The following MMP17 variants were observed in gnomAD, a reference collection of about 807,000 sequenced individuals.
MMP17 encodes matrix metalloproteinase-17.
In MMP17, 54 loss-of-function variants were observed where a neutral mutation model predicts 49.1. The observed-to-expected ratio is 1.10, with a 90% CI of 0.88 to 1.38. The LOEUF (loss-of-function observed/expected upper bound fraction) is 1.38, where lower values mean the gene tolerates loss of function less well. Among genes scored for constraint, MMP17 ranks in the 40% most tolerant of loss-of-function variants. The pLI is 0.00. For synonymous variants in MMP17, 397 were observed against 383.1 expected, an observed-to-expected ratio of 1.04 and a Z score of -0.42; for missense variants, 837 against 853.7, an observed-to-expected ratio of 0.98 and a Z score of 0.24.
intron 2 of MMP17, 42 bp from the exon 3 acceptor site, chr12:131,838,570 A>G: frequency 6.3e-7 from 1 of 1,577,004 alleles, no homozygotes; most frequent in Non-Finnish European, 8.6e-7. Flanking sequence ...TAGGGTGGGG[A>G]GTGAGCTGGG....
In MMP17 at chr12:131,851,678, G is replaced by T; in HGVS notation, c.*404G>T. 1 of 186,632 alleles carries T rather than the reference G, an allele frequency of 5.4e-6. No homozygotes were observed. Among genetic ancestry groups the T allele is most frequent in the Non-Finnish European group, 1.1e-5 (1 of 91,078 alleles). The allele number at this position is 186,632 out of a possible 1,614,324, so 11.6% of individuals were successfully genotyped here. ...GGGCCTCCGTCCCCAGGTCCCCAGT[G>T]GGGCAGCCCTCCCCACAGACGAGCC... On this transcript the variant is annotated 3_prime_UTR_variant, in exon 10 of 10. Coordinates refer to ENST00000360564, the MANE Select transcript of MMP17 (RefSeq NM_016155.7).
intron 6 of MMP17, 80 bp downstream of exon 6, chr12:131,844,161 C>T (rs943725208): frequency 3.2e-6 from 4 of 1,258,894 alleles, no homozygotes; most frequent in Non-Finnish European, 4.4e-6. Flanking sequence ...TGCCCCAAAT[C>T]GTGGCTCAGA....
In MMP17 at chr12:131,844,062, G is replaced by A. The variant is rs1887567451; in HGVS notation, c.949G>A (p.Asp317Asn). The change falls in exon 6 of 10, where the codon GAC becomes AAC. Residue 317 changes from aspartate to asparagine, a missense_variant. Physicochemically the swap from Asp to Asn is conservative, Grantham distance 23. Coordinates refer to ENST00000360564, the MANE Select transcript of MMP17 (RefSeq NM_016155.7). The part of the protein sequence containing the change: ...EEPPLLPEPP[D>N]NRSSAPPRKD... ...GCCTCCCCTGCTGCCGGAGCCCCCA[G>A]ACAACCGGTCCAGCGCCCCGTAAGC... 4.5e-6 allele frequency: 7 copies of A among 1,565,532 alleles called. No individual in the cohort carries two copies. The East Asian group carries it at 7.1e-5, about 16-fold the overall frequency.
intron 8 of MMP17, among the ~76,000 whole-genome samples, chr12:131,847,634 C>T (rs1887778999): frequency 6.6e-6 from 1 of 152,224 alleles, no homozygotes; most frequent in African/African-American, 2.4e-5. Context: ...CCAGGTGGAC[C>T]CGTCTGGCAT....
intron 8 of MMP17, among the ~76,000 whole-genome samples, chr12:131,848,959 T>C (rs1000855605): frequency 1.3e-5 from 2 of 152,242 alleles, no homozygotes; most frequent in East Asian, 3.8e-4. Context: ...GTGGTAATTC[T>C]ATTTTTGACG....
chr12:131,845,484 C>G lies in MMP17; in HGVS notation c.1204+35C>G, dbSNP rs79420934. The G allele has an allele frequency of 1.9e-5, 29 of 1,531,356 alleles. No individual in the cohort carries two copies. In the East Asian group the frequency reaches 6.6e-4, roughly 35 times the overall value. 94.9% of individuals were successfully genotyped at this position (1,531,356 alleles called of 1,614,324 possible). On this transcript the variant is annotated intron_variant, in intron 8 of 9. Transcript: ENST00000360564. ...CCTCCCCGTCGCACTCCGGGCTTCC[C>G]GGGCCCTCTGTCCGCCTCATGGAGG... is the stretch of plus-strand genomic sequence containing the variant.
intron 8 of MMP17, among the ~76,000 whole-genome samples, chr12:131,848,420 G>A (rs777760201): frequency 2.7e-4 from 41 of 152,130 alleles, no homozygotes; most frequent in Non-Finnish European, 4.0e-4. Context: ...TGGGCGTGGT[G>A]AGCACACTTT....
intron 3 of MMP17, among the ~76,000 whole-genome samples, chr12:131,839,261 C>T (rs1017935728): frequency 6.6e-6 from 1 of 152,148 alleles, no homozygotes; most frequent in Non-Finnish European, 1.5e-5. Context: ...TAGGGCCCAC[C>T]CTGATCCAGT....
intron 1 of MMP17, among the ~76,000 whole-genome samples, chr12:131,833,637 C>T (rs1334829740): frequency 1.3e-5 from 2 of 152,248 alleles, no homozygotes; most frequent in Non-Finnish European, 2.9e-5. Flanking sequence ...GACAGGTTAT[C>T]CACACTCTCT....
In MMP17 at chr12:131,838,548, T is replaced by G. The variant is rs777958184; in HGVS notation, c.293-64T>G. 245 of 1,545,944 alleles carry G rather than the reference T, an allele frequency of 1.6e-4. 1 individual carries two copies. Among genetic ancestry groups the G allele is most frequent in the Middle Eastern group, 1.2e-3 (5 of 4,178 alleles). ...GAGTCAGGGCTCCCACCCTTGCGGA[T>G]GCTCGGGATCCTAGGGTGGGGAGTG... On this transcript the variant is annotated intron_variant, in intron 2 of 9. Coordinates refer to ENST00000360564, the MANE Select transcript of MMP17 (RefSeq NM_016155.7).
intron 9 of MMP17, 101 bp from the exon 10 acceptor site, chr12:131,850,824 G>T: frequency 1.1e-6 from 1 of 891,124 alleles, no homozygotes; most frequent in Non-Finnish European, 1.6e-6. Context: ...AGCCCCTTCC[G>T]CTGCAGCCCT....
chr12:131,842,745 C>G (rs368723625), intron 5 of MMP17, among the ~76,000 whole-genome samples: 1 of 151,744 alleles, frequency 6.6e-6, no homozygotes, highest in Admixed American at 6.6e-5. Flanking sequence ...TGCACTCCAG[C>G]CTGGGTGGCA....
Position 131,846,281 on chromosome 12 carries a change from T to C in MMP17, c.1204+832T>C, listed in dbSNP as rs1374953771. Among the ~76,000 whole-genome samples the C allele has an allele frequency of 6.6e-6, 1 of 152,156 alleles. No individual in the cohort carries two copies. The highest frequency in any genetic ancestry group is 1.5e-5 in the Non-Finnish European group (1 of 68,026). On this transcript the variant is annotated intron_variant, in intron 8 of 9. Coordinates refer to ENST00000360564, the MANE Select transcript of MMP17 (RefSeq NM_016155.7). The surrounding 1 kb of genome is among the most constrained non-coding windows in gnomAD (Gnocchi z 4.6). ...CACATCCCTCCTGCCACCGCCTCTG[T>C]CTCCACCCGGCCGTCTCCTCCCCCA...
chr12:131,836,546 C>T lies in MMP17; in HGVS notation c.160-1649C>T, dbSNP rs1293721792. On this transcript the variant is annotated intron_variant, in intron 1 of 9. Transcript: ENST00000360564. ...ATTTATGCATTTTTTTAGGTTAAGCCACATGAAACTACTAGTATTTATTTT... is the reference window on the plus strand; with the variant it reads ...ATTTATGCATTTTTTTAGGTTAAGCTACATGAAACTACTAGTATTTATTTT... Among the ~76,000 whole-genome samples, 4 of 150,964 alleles carry T rather than the reference C, an allele frequency of 2.6e-5. No individual in the cohort carries two copies. In the East Asian group the frequency reaches 7.8e-4, roughly 29 times the overall value.
rs1887697009 is a variant in MMP17, at chr12:131,846,233, CCA to C, written c.1204+787_1204+788del. On this transcript the variant is annotated intron_variant, in intron 8 of 9. Coordinates refer to ENST00000360564, the MANE Select transcript of MMP17 (RefSeq NM_016155.7). The surrounding 1 kb of genome is among the most constrained non-coding windows in gnomAD (Gnocchi z 4.6). Reference sequence around the variant, plus strand: ...CTCTGGAGGCTGTCCCAGGCCTCTCCCACATCCAGTGTCACCCTCAGCCACAT... The same window carrying C: ...CTCTGGAGGCTGTCCCAGGCCTCTCCCATCCAGTGTCACCCTCAGCCACAT... Among the ~76,000 whole-genome samples the C allele has an allele frequency of 6.6e-6, 1 of 152,170 alleles. No homozygotes were observed. The highest frequency in any genetic ancestry group is 6.6e-5 in the Admixed American group (1 of 15,262).
chr12:131,851,305 G>A lies in MMP17; in HGVS notation c.*31G>A. ...AGCGCGAGCCCATGAGAGGACAGAGGCGGTGGGACAGCCTGGCCACAGAGG... is the reference window on the plus strand; with the variant it reads ...AGCGCGAGCCCATGAGAGGACAGAGACGGTGGGACAGCCTGGCCACAGAGG... On this transcript the variant is annotated 3_prime_UTR_variant, in exon 10 of 10. Coordinates refer to ENST00000360564, the MANE Select transcript of MMP17 (RefSeq NM_016155.7). The A allele has an allele frequency of 6.6e-6, 9 of 1,362,094 alleles. No individual in the cohort carries two copies. Among genetic ancestry groups the A allele is most frequent in the Non-Finnish European group, 8.5e-6 (9 of 1,054,448 alleles). 84.4% of individuals were successfully genotyped at this position (1,362,094 alleles called of 1,614,324 possible). A position where few individuals can be genotyped will look rare whatever the true frequency, so the allele number is the denominator to read the frequency against.
Position 131,838,790 on chromosome 12 carries a change from C to T in MMP17, c.422+49C>T, listed in dbSNP as rs1306108446. ...AGCGGGGCCTCCGTGGAGGTGGGCG[C>T]GTGGCCAGGGTGAGGAACGGGGTCT... On this transcript the variant is annotated intron_variant, in intron 3 of 9. Transcript: ENST00000360564. 9 of 1,516,132 alleles carry T rather than the reference C, an allele frequency of 5.9e-6. No homozygotes were observed. In the Admixed American group the frequency reaches 6.2e-5, roughly 10 times the overall value. The allele number at this position is 1,516,132 out of a possible 1,614,324, so 93.9% of individuals were successfully genotyped here. A position where few individuals can be genotyped will look rare whatever the true frequency, so the allele number is the denominator to read the frequency against.
In MMP17 at chr12:131,841,626, G is replaced by A. The variant is rs751422202; in HGVS notation, c.709G>A (p.Ala237Thr). 6.1e-5 allele frequency: 99 copies of A among 1,613,862 alleles called. 1 individual carries two copies. The highest frequency in any genetic ancestry group is 4.5e-4 in the South Asian group (41 of 91,088). Residue 237 changes from alanine (A) to threonine (T), a missense_variant and splice_region_variant, in exon 5 of 10, where the codon GCC (alanine) becomes ACC (threonine). Ala to Thr is a moderately conservative substitution (Grantham distance 58). Coordinates refer to ENST00000360564, the MANE Select transcript of MMP17 (RefSeq NM_016155.7). ...DEAWTFRSSD[A>T]HGMDLFAVAV... ...CACATGGCTCCCTGTGTCCCCAGAT[G>A]CCCACGGGATGGACCTGTTTGCAGT... is the stretch of plus-strand genomic sequence containing the variant.
intron 7 of MMP17, 44 bp from the exon 8 acceptor site, chr12:131,845,253 T>C (rs765779790): frequency 6.2e-7 from 1 of 1,613,810 alleles, no homozygotes; most frequent in Non-Finnish European, 8.5e-7. Context: ...CCACTCTGGG[T>C]GCAGACCGTC....
Sources: gnomAD v4.1 joint callset for allele counts (sites outside exome capture counted in the v4.1 genomes callset) on GRCh38, gnomAD v4.1.1 for gene constraint, Gnocchi (gnomAD v3.1) non-coding constraint, MANE v1.5 for transcripts, NCBI Gene and HGNC (gene_info 2026-07-23, HGNC 2026-07-21) for gene names.